The following BCR variants were observed in gnomAD, a reference collection of about 807,000 sequenced individuals.
The protein encoded by BCR is BCR activator of RhoGEF and GTPase, also known as breakpoint cluster region protein.
Under a neutral mutation model 138.6 loss-of-function variants are expected in BCR, and 58 were observed. The ratio of observed to expected loss-of-function variants is 0.42; its 90% CI spans 0.34 to 0.52. The LOEUF is 0.52. Ranked by LOEUF, BCR falls within the 20% of genes least tolerant of loss-of-function variation. BCR has a pLI of 0.06. For synonymous variants in BCR, 786 were observed against 730.1 expected (o/e 1.08, Z -1.23); for missense variants, 1,599 against 1,727.2 (o/e 0.93, Z 1.32).
chr22:23,236,771 C>T (rs1316978641), intron 1 of BCR, among the ~76,000 whole-genome samples: 1 of 152,196 alleles, frequency 6.6e-6, no homozygotes, highest in Admixed American at 6.5e-5. Flanking sequence ...GGGACAGTAA[C>T]TTTAGGCAGT....
intron 1 of BCR, among the ~76,000 whole-genome samples, chr22:23,208,415 TG>T (rs1175457098): frequency 2.8e-5 from 3 of 107,628 alleles, no homozygotes; most frequent in East Asian, 3.9e-4. Flanking sequence ...TTTGATTTTA[TG>T]TTTTTTTTTT....
chr22:23,180,882 C>G lies in BCR; in HGVS notation c.-79C>G. 4 of 782,964 alleles carry G rather than the reference C, an allele frequency of 5.1e-6. No homozygotes were observed. The highest frequency in any genetic ancestry group is 5.6e-6 in the Non-Finnish European group (4 of 715,172). 48.5% of individuals were successfully genotyped at this position (782,964 alleles called of 1,614,324 possible). On this transcript the variant is annotated 5_prime_UTR_variant, in exon 1 of 23. Transcript: ENST00000305877. ...CATGGGGGCCGCCCGGCGCCCGGGGCCGGGCTGGCGAGGCGCCGCGCCGCC... is the reference window on the plus strand; with the variant it reads ...CATGGGGGCCGCCCGGCGCCCGGGGGCGGGCTGGCGAGGCGCCGCGCCGCC...
intron 16 of BCR, among the ~76,000 whole-genome samples, chr22:23,299,181 A>G (rs374912890): frequency 2.6e-4 from 40 of 152,042 alleles, no homozygotes; most frequent in African/African-American, 9.2e-4. Flanking sequence ...TATTTTTAGT[A>G]GAGATGGGGT....
chr22:23,293,207 C>G (rs1400362706), intron 15 of BCR, among the ~76,000 whole-genome samples: 1 of 152,134 alleles, frequency 6.6e-6, no homozygotes, highest in African/African-American at 2.4e-5. Flanking sequence ...AGTCCCAGAT[C>G]CATGAGAGGT....
At chr22:23,197,061 A>G (rs537354748) in intron 1 of BCR, among the ~76,000 whole-genome samples, 1 of 152,358 alleles carries the variant, frequency 6.6e-6, no homozygotes, top group South Asian at 2.1e-4. Context: ...GATTACTTAT[A>G]ATACAGTCAT....
intron 16 of BCR, among the ~76,000 whole-genome samples, chr22:23,308,788 G>A (rs1295271731): frequency 6.6e-6 from 1 of 152,156 alleles, no homozygotes; most frequent in East Asian, 1.9e-4. Flanking sequence ...GACTGTGTTC[G>A]GGTGACATTA....
chr22:23,279,949 C>T (rs73388564), intron 8 of BCR, among the ~76,000 whole-genome samples: 125 of 152,302 alleles, frequency 8.2e-4, no homozygotes, highest in African/African-American at 2.8e-3. Context: ...GCACGGCCAC[C>T]CTCCCACTGT....
intron 1 of BCR, among the ~76,000 whole-genome samples, chr22:23,230,485 C>G (rs1423058874): frequency 6.6e-6 from 1 of 152,214 alleles, no homozygotes; most frequent in Admixed American, 6.5e-5. Context: ...CAGGGCTAAG[C>G]TGATACACAC....
intron 1 of BCR, among the ~76,000 whole-genome samples, chr22:23,214,886 C>T (rs1232010263): frequency 6.6e-6 from 1 of 152,186 alleles, no homozygotes; most frequent in African/African-American, 2.4e-5. Context: ...ACATTAACTA[C>T]ATTGATGGTG....
At chr22:23,243,011 A>C (rs1375278287) in intron 1 of BCR, 1 of 377,010 alleles carries the variant, frequency 2.7e-6, no homozygotes, top group Non-Finnish European at 5.3e-6. Context: ...CTGTCTCTTT[A>C]AAGATATTTG....
intron 18 of BCR, 101 bp from the exon 19 acceptor site, chr22:23,311,596 G>GTCCTCACCC: frequency 1.0e-6 from 1 of 1,000,536 alleles, no homozygotes; most frequent in Non-Finnish European, 1.5e-6. Context: ...CTTCGTCACC[G>GTCCTCACCC]TCCTCACCCC....
chr22:23,194,995 G>A (rs2072460538), intron 1 of BCR, among the ~76,000 whole-genome samples: 1 of 151,698 alleles, frequency 6.6e-6, no homozygotes. Flanking sequence ...GCTTTTTTTT[G>A]GCCGGGAGTG....
At chr22:23,206,902 A>G (rs2072621408) in intron 1 of BCR, among the ~76,000 whole-genome samples, 1 of 136,304 alleles carries the variant, frequency 7.3e-6, no homozygotes, top group South Asian at 2.1e-4. Flanking sequence ...TTCATCATCC[A>G]TCCAACTAAA....
At chr22:23,274,111 T>A (rs980499355) in intron 8 of BCR, among the ~76,000 whole-genome samples, 17 of 152,160 alleles carry the variant, frequency 1.1e-4, no homozygotes, top group African/African-American at 1.9e-4. Context: ...AGGAGACTTG[T>A]GCAAAGGAGG....
At chr22:23,202,061 A>G (rs1388080441) in intron 1 of BCR, among the ~76,000 whole-genome samples, 1 of 152,140 alleles carries the variant, frequency 6.6e-6, no homozygotes, top group Non-Finnish European at 1.5e-5. Context: ...TTGTGTAAAT[A>G]TTATTTTTAA....
chr22:23,210,160 A>T (rs1013934773), intron 1 of BCR, among the ~76,000 whole-genome samples: 1 of 152,142 alleles, frequency 6.6e-6, no homozygotes, highest in African/African-American at 2.4e-5. Flanking sequence ...ACAGCAGCTC[A>T]CACCTGTATT....
intron 1 of BCR, among the ~76,000 whole-genome samples, chr22:23,226,916 T>G (rs2072900989): frequency 6.6e-6 from 1 of 152,086 alleles, no homozygotes; most frequent in East Asian, 1.9e-4. Flanking sequence ...AGGTTTGGGT[T>G]TGGGGGAGAT....
intron 11 of BCR, 102 bp from the exon 12 acceptor site, chr22:23,287,995 G>A (rs1409178936): frequency 1.8e-5 from 21 of 1,146,068 alleles, no homozygotes; most frequent in East Asian, 1.4e-4. Context: ...GGCTCCAGCC[G>A]GCTGGAGATA....
chr22:23,306,438 T>C (rs131691), intron 16 of BCR, among the ~76,000 whole-genome samples: 78,224 of 152,056 alleles, frequency 0.51, 20,602 homozygotes, highest in East Asian at 0.75. Context: ...GGTGCAGATT[T>C]TGGACAGTCT....
Sources: gnomAD v4.1 joint callset for allele counts (sites outside exome capture counted in the v4.1 genomes callset) on GRCh38, gnomAD v4.1.1 for gene constraint, MANE v1.5 for transcripts, NCBI Gene and HGNC (gene_info 2026-07-23, HGNC 2026-07-21) for gene names.